The following HDAC5 variants were observed in gnomAD, a reference collection of about 807,000 sequenced individuals.
HDAC5 encodes antigen NY-CO-9.
In HDAC5, 25 loss-of-function variants were observed where a neutral mutation model predicts 133.3. The observed-to-expected ratio is 0.19, with a 90% CI of 0.14 to 0.26. HDAC5 has a LOEUF of 0.26. HDAC5 is among the 10% of genes least tolerant of loss of function. HDAC5 has a pLI of 1.00. For synonymous variants in HDAC5, 589 were observed against 610.8 expected, an observed-to-expected ratio of 0.96 and a Z score of 0.53; for missense variants, 1,041 against 1,460.5, an observed-to-expected ratio of 0.71 and a Z score of 4.68.
At chr17:44,102,171 G>A (rs1302681658) in intron 3 of HDAC5, among the ~76,000 whole-genome samples, 1 of 152,190 alleles carries the variant, frequency 6.6e-6, no homozygotes, top group Non-Finnish European at 1.5e-5. Context: ...GGGGTGAGTT[G>A]GGGCTGACAT....
At chr17:44,115,531 G>A (rs2052595169) in intron 2 of HDAC5, among the ~76,000 whole-genome samples, 1 of 152,220 alleles carries the variant, frequency 6.6e-6, no homozygotes, top group Non-Finnish European at 1.5e-5. Flanking sequence ...CAAGCTCTGG[G>A]AATAGCAGAC....
rs530579431 is a variant in HDAC5, at chr17:44,087,633, C to A, written c.1663G>T (p.Glu555Ter). ...PTTHPEETEE[E>*]LTEQQEVLLG... is the part of the protein sequence containing the mutation. The stretch of plus-strand genomic sequence containing the variant: ...AAGACCTCCTGCTGCTCCGTCAGCT[C>A]CTCCTCTGTCTCCTCAGGGTGGGTG... Residue 555 changes from glutamate (E) to a stop codon, truncating the protein, a stop_gained, in exon 13 of 27, where the codon GAG becomes TAG. Coordinates refer to ENST00000682912, the MANE Select transcript of HDAC5 (RefSeq NM_005474.5). LOFTEE classifies it high-confidence loss of function. The A allele has an allele frequency of 1.2e-6, 2 of 1,613,498 alleles. No individual in the cohort carries two copies. The highest frequency in any genetic ancestry group is 1.3e-5 in the African/African-American group (1 of 75,058).
At chr17:44,097,994 C>T (rs190902678) in intron 3 of HDAC5, among the ~76,000 whole-genome samples, 13 of 152,356 alleles carry the variant, frequency 8.5e-5, no homozygotes, top group African/African-American at 1.4e-4. Flanking sequence ...CATGCAGCCT[C>T]GTTCCCATGC....
At position 44,078,364 on chromosome 17, in the gene HDAC5, G is replaced by T; in HGVS notation, c.*12C>A. The stretch of plus-strand genomic sequence containing the variant: ...CACAATGGTGAAGCCCAGAGGGATG[G>T]GGGCCGGGGCGTCACAGGGCAGGCT... On this transcript the variant is annotated 3_prime_UTR_variant, in exon 27 of 27. Transcript: ENST00000682912. The T allele has an allele frequency of 6.6e-7, 1 of 1,523,622 alleles. No homozygotes were observed. The highest frequency in any genetic ancestry group is 8.8e-7 in the Non-Finnish European group (1 of 1,138,686). 94.4% of individuals were successfully genotyped at this position (1,523,622 alleles called of 1,614,324 possible). A position where few individuals can be genotyped will look rare whatever the true frequency, so the allele number is the denominator to read the frequency against.
intron 3 of HDAC5, among the ~76,000 whole-genome samples, chr17:44,099,401 A>G (rs866583175): frequency 2.6e-5 from 4 of 152,006 alleles, no homozygotes; most frequent in South Asian, 2.1e-4. Context: ...GGTTTTCTGC[A>G]GGGCTGACCA....
At chr17:44,122,419 C>G (rs918965906) in intron 1 of HDAC5, among the ~76,000 whole-genome samples, 7 of 152,074 alleles carry the variant, frequency 4.6e-5, no homozygotes. Context: ...CAGTTGGACA[C>G]TGAAACCAAT....
At chr17:44,121,024 C>G (rs1171625692) in intron 1 of HDAC5, among the ~76,000 whole-genome samples, 1 of 148,232 alleles carries the variant, frequency 6.7e-6, no homozygotes, top group Admixed American at 6.8e-5. Flanking sequence ...TTTTTGCAAT[C>G]GGCCCATTTC....
chr17:44,078,715 A>G (rs2050234319), intron 25 of HDAC5, 50 bp from the exon 26 acceptor site: 6 of 1,609,284 alleles, frequency 3.7e-6, no homozygotes, highest in African/African-American at 1.3e-5. Flanking sequence ...GGACACCCAC[A>G]TGAACAGTCC....
At position 44,108,760 on chromosome 17, in the gene HDAC5, AAC is replaced by A. The variant is rs202159392; in HGVS notation, c.94+1967_94+1968del. Among the ~76,000 whole-genome samples, 188 of 134,170 alleles carry A rather than the reference AAC, an allele frequency of 1.4e-3. 20 individuals carry two copies. Among genetic ancestry groups the A allele is most frequent in the Middle Eastern group, 7.4e-3 (2 of 272 alleles). 88.0% of individuals were successfully genotyped at this position (134,170 alleles called of 152,430 possible). ...TTTACATTCCAGAGTCCAAAAAAAAAACAAAAAAAAAACAAAAAAAAAACAAG... is the reference window on the plus strand; with the variant it reads ...TTTACATTCCAGAGTCCAAAAAAAAAAAAAAAAAAACAAAAAAAAAACAAG... On this transcript the variant is annotated intron_variant, in intron 3 of 26. Transcript: ENST00000682912.
Position 44,106,417 on chromosome 17 carries a change from C to G in HDAC5, c.94+4312G>C, listed in dbSNP as rs550193127. On this transcript the variant is annotated intron_variant, in intron 3 of 26. Transcript: ENST00000682912. ...TAGGAGCACAAACTGTGGACGCGCA[C>G]TGACAGGCCCAGCACTTAAGGCTGT... 3.7e-3 allele frequency among the ~76,000 whole-genome samples: 571 copies of G among 152,280 alleles called. 3 individuals are homozygous for G. Among genetic ancestry groups the G allele is most frequent in the African/African-American group, 0.013 (546 of 41,548 alleles).
intron 2 of HDAC5, among the ~76,000 whole-genome samples, chr17:44,112,007 G>A (rs898719552): frequency 1.3e-5 from 2 of 152,116 alleles, no homozygotes; most frequent in Non-Finnish European, 2.9e-5. Flanking sequence ...TGGTGACCTT[G>A]GGAGAGGCAC....
chr17:44,096,174 A>G (rs550841505), intron 3 of HDAC5, among the ~76,000 whole-genome samples: 1 of 152,312 alleles, frequency 6.6e-6, no homozygotes, highest in Non-Finnish European at 1.5e-5. Context: ...GCAGGATACC[A>G]CTGCCTGGGA....
rs1000607809 is a variant in HDAC5 at position 44,093,201 on chromosome 17, T to C, written c.532A>G (p.Ile178Val). Reference sequence around the variant, plus strand: ...CTCAGCTTTACCTCAGTGCTGGCAATGGCACCTGCAGGACAGGGCACAACT... The same window carrying C: ...CTCAGCTTTACCTCAGTGCTGGCAACGGCACCTGCAGGACAGGGCACAACT... ...RNKEKSKESAIASTEVKLRLQ... is the reference protein window; with the variant it reads ...RNKEKSKESAVASTEVKLRLQ... The change falls in exon 6 of 27, where the codon ATT becomes GTT. Residue 178 changes from isoleucine to valine, a missense_variant. Physicochemically the swap from Ile to Val is conservative, Grantham distance 29. Transcript: ENST00000682912. 6.2e-7 allele frequency: 1 copy of C among 1,611,506 alleles called. No individual in the cohort carries two copies. The highest frequency in any genetic ancestry group is 8.5e-7 in the Non-Finnish European group (1 of 1,178,432).
At chr17:44,107,607 C>CAA (rs61428400) in intron 3 of HDAC5, among the ~76,000 whole-genome samples, 5,399 of 88,232 alleles carry the variant, frequency 0.061, 270 homozygotes, top group African/African-American at 0.13. Context: ...GACTCCGTAT[C>CAA]AAAAAAAAAA....
chr17:44,087,091 G>C (rs1023898399), intron 13 of HDAC5, among the ~76,000 whole-genome samples: 1 of 151,634 alleles, frequency 6.6e-6, no homozygotes, highest in South Asian at 2.1e-4. Context: ...AACAGCGGGG[G>C]CGTGTGTGTA....
intron 1 of HDAC5, among the ~76,000 whole-genome samples, chr17:44,122,823 G>A (rs1228043475): frequency 2.6e-5 from 4 of 152,172 alleles, no homozygotes; most frequent in Non-Finnish European, 4.4e-5. Flanking sequence ...ATCCACCCAA[G>A]ACAAGAAGGG....
chr17:44,100,035 CCT>C (rs944258483), intron 3 of HDAC5, among the ~76,000 whole-genome samples: 2 of 152,112 alleles, frequency 1.3e-5, no homozygotes, highest in African/African-American at 2.4e-5. Context: ...TGGGGCAACC[CCT>C]GAGACTACTG....
rs2052720614 is a variant in HDAC5 at position 44,117,497 on chromosome 17, ACTCGTTGGGAGAGTT to A, written c.4_18del (p.Asn2_Glu6del). 1 of 1,613,128 alleles carries A rather than the reference ACTCGTTGGGAGAGTT, an allele frequency of 6.2e-7. No homozygotes were observed. Among genetic ancestry groups the A allele is most frequent in the African/African-American group, 1.3e-5 (1 of 74,616 alleles). The stretch of plus-strand genomic sequence containing the variant: ...TCTCCAACCTCCCAGCTCTTACCCG[ACTCGTTGGGAGAGTT>A]CATGCCGGCTCTGGGCCTGCAGGAA... On this transcript the variant is annotated inframe_deletion, in exon 2 of 27. Transcript: ENST00000682912. This position sits in a 1 kb window ranked among gnomAD's most constrained non-coding sequence, Gnocchi z 4.2.
In HDAC5 at chr17:44,123,497, C is replaced by T. The variant is rs2053140682; in HGVS notation, c.-190+7G>A. 1 of 379,738 alleles carries T rather than the reference C, an allele frequency of 2.6e-6. No individual in the cohort carries two copies. Among genetic ancestry groups the T allele is most frequent in the East Asian group, 3.8e-5 (1 of 26,086 alleles). The allele number at this position is 379,738 out of a possible 1,614,324, so 23.5% of individuals were successfully genotyped here. A position where few individuals can be genotyped will look rare whatever the true frequency, so the allele number is the denominator to read the frequency against. On this transcript the variant is annotated splice_region_variant and intron_variant, in intron 1 of 26. Transcript: ENST00000682912. Reference sequence around the variant, plus strand: ...AGATGGGATCTGGGCCGGGGCGGCGCGCTCACCCGCTGCGGCTCGAGCTCC... The same window carrying T: ...AGATGGGATCTGGGCCGGGGCGGCGTGCTCACCCGCTGCGGCTCGAGCTCC...
Sources: gnomAD v4.1 joint callset for allele counts (sites outside exome capture counted in the v4.1 genomes callset) on GRCh38, gnomAD v4.1.1 for gene constraint, Gnocchi (gnomAD v3.1) non-coding constraint, MANE v1.5 for transcripts, NCBI Gene and HGNC (gene_info 2026-07-23, HGNC 2026-07-21) for gene names.